The following SLC44A5 variants were observed in gnomAD, a reference collection of about 807,000 sequenced individuals.
SLC44A5 encodes the protein choline transporter-like protein 5.
A neutral mutation model predicts 101.8 loss-of-function variants in SLC44A5; 57 were observed. That is an observed-to-expected ratio of 0.56 (90% CI 0.45 to 0.70). The LOEUF (loss-of-function observed/expected upper bound fraction) is 0.70. SLC44A5 is among the 30% of genes least tolerant of loss of function. The probability of loss-of-function intolerance (pLI) is 0.00; values close to 1 mark genes in which losing one functional copy is unlikely to be tolerated. For synonymous variants in SLC44A5, 281 were observed against 290.9 expected, an observed-to-expected ratio of 0.97 and a Z score of 0.35; for missense variants, 737 against 853.1, an observed-to-expected ratio of 0.86 and a Z score of 1.70.
chr1:75,529,413 C>G (rs1670599544), intron 2 of SLC44A5, among the ~76,000 whole-genome samples: 1 of 152,146 alleles, frequency 6.6e-6, no homozygotes, highest in Non-Finnish European at 1.5e-5. Context: ...GTTCTCTTAG[C>G]ACCCACACAG....
rs550232862 is a variant in SLC44A5, at chr1:75,516,649, CTA to C, written c.13+24784_13+24785del. Among the ~76,000 whole-genome samples, 561 of 152,210 alleles carry C rather than the reference CTA, an allele frequency of 3.7e-3. 5 individuals carry two copies. The highest frequency in any genetic ancestry group is 0.013 in the African/African-American group (537 of 41,532). On this transcript the variant is annotated intron_variant, in intron 2 of 23. Transcript: ENST00000370859. ...ACTGATGGGAGAATGAATCTAAGTTCTATGTTAGATTATGACCAGGGTAGGCA... is the reference window on the plus strand; with the variant it reads ...ACTGATGGGAGAATGAATCTAAGTTCTGTTAGATTATGACCAGGGTAGGCA...
chr1:75,312,260 T>C (rs1168717922), intron 4 of SLC44A5, among the ~76,000 whole-genome samples: 1 of 152,126 alleles, frequency 6.6e-6, no homozygotes, highest in Non-Finnish European at 1.5e-5. Flanking sequence ...TAAACCTCTT[T>C]CCTTCATAAT....
At chr1:75,325,117 C>T (rs929881057) in intron 4 of SLC44A5, among the ~76,000 whole-genome samples, 11 of 152,152 alleles carry the variant, frequency 7.2e-5, no homozygotes, top group Admixed American at 6.5e-4. Context: ...GTGTATAATG[C>T]ATAAAGCACT....
At chr1:75,266,571 A>G (rs1408324644) in intron 6 of SLC44A5, among the ~76,000 whole-genome samples, 1 of 152,206 alleles carries the variant, frequency 6.6e-6, no homozygotes, top group Non-Finnish European at 1.5e-5. Flanking sequence ...TCTGAATTTT[A>G]GTTTTCTAAA....
chr1:75,642,060 C>A, the SLC44A5 span: 1 of 1,329,534 alleles, frequency 7.5e-7, no homozygotes, highest in Non-Finnish European at 1.1e-6. Flanking sequence ...TCTTCTGGTC[C>A]AATGAAGAAT....
intron 2 of SLC44A5, among the ~76,000 whole-genome samples, chr1:75,537,636 T>G (rs955049918): frequency 5.3e-5 from 8 of 152,316 alleles, no homozygotes; most frequent in Non-Finnish European, 8.8e-5. Flanking sequence ...CCACTAGTTA[T>G]CAGCAGGGGG....
intron 3 of SLC44A5, among the ~76,000 whole-genome samples, chr1:75,373,980 G>A (rs1660399644): frequency 6.6e-6 from 1 of 152,174 alleles, no homozygotes; most frequent in Non-Finnish European, 1.5e-5. Context: ...CTCATGTGGT[G>A]GCATGGGAGC....
the SLC44A5 span, among the ~76,000 whole-genome samples, chr1:75,632,469 T>C: frequency 1.5e-4 from 23 of 152,142 alleles, no homozygotes; most frequent in Admixed American, 1.2e-3. Context: ...GAGAGAACTT[T>C]AGAGATGATC....
At chr1:75,251,861 G>A (rs1452867743) in intron 6 of SLC44A5, among the ~76,000 whole-genome samples, 1 of 152,160 alleles carries the variant, frequency 6.6e-6, no homozygotes, top group Non-Finnish European at 1.5e-5. Flanking sequence ...GAGTAACGAA[G>A]CAGGTTGATA....
intron 3 of SLC44A5, among the ~76,000 whole-genome samples, chr1:75,356,458 G>A (rs986959864): frequency 5.9e-5 from 9 of 151,578 alleles, no homozygotes; most frequent in African/African-American, 1.7e-4. Flanking sequence ...CATAGAATAA[G>A]GATATAAAGA....
At chr1:75,659,305 A>T in the SLC44A5 span, among the ~76,000 whole-genome samples, 1 of 150,722 alleles carries the variant, frequency 6.6e-6, no homozygotes, top group Middle Eastern at 3.4e-3. Flanking sequence ...TTTTTTTAAA[A>T]AAGAGAGAGA....
intron 2 of SLC44A5, among the ~76,000 whole-genome samples, chr1:75,464,066 C>T (rs1666668954): frequency 6.6e-6 from 1 of 151,448 alleles, no homozygotes. Flanking sequence ...ACTAAAAGCA[C>T]AAAAAATTAG....
At chr1:75,277,621 G>C (rs528872771) in intron 5 of SLC44A5, among the ~76,000 whole-genome samples, 1 of 152,028 alleles carries the variant, frequency 6.6e-6, no homozygotes, top group South Asian at 2.1e-4. Context: ...TGTAGGAAAA[G>C]AGATGACAGG....
the SLC44A5 span, among the ~76,000 whole-genome samples, chr1:75,698,911 A>T: frequency 6.6e-6 from 1 of 152,210 alleles, no homozygotes; most frequent in Non-Finnish European, 1.5e-5. Context: ...CAGCGATGGA[A>T]GATGAAATGA....
intron 14 of SLC44A5, among the ~76,000 whole-genome samples, chr1:75,220,516 G>T (rs889186212): frequency 6.6e-6 from 1 of 151,720 alleles, no homozygotes; most frequent in African/African-American, 2.4e-5. Context: ...ATGTCTATTT[G>T]CAGTTAAATG....
chr1:75,596,752 A>T (rs1674657403), intron 1 of SLC44A5, among the ~76,000 whole-genome samples: 1 of 152,024 alleles, frequency 6.6e-6, no homozygotes. Flanking sequence ...TTCAACATCC[A>T]CTCATGTTAA....
chr1:75,512,890 A>G (rs1557862777), intron 2 of SLC44A5, among the ~76,000 whole-genome samples: 1 of 152,212 alleles, frequency 6.6e-6, no homozygotes, highest in Non-Finnish European at 1.5e-5. Flanking sequence ...TGTGTTTGCT[A>G]ACCATGCCTA....
At chr1:75,721,694 T>C in the SLC44A5 span, among the ~76,000 whole-genome samples, 8 of 152,178 alleles carry the variant, frequency 5.3e-5, no homozygotes, top group African/African-American at 1.9e-4. Context: ...AATCTAGAGG[T>C]ACAAAATAAA....
intron 6 of SLC44A5, among the ~76,000 whole-genome samples, chr1:75,267,781 G>C (rs1480537118): frequency 6.6e-6 from 1 of 151,888 alleles, no homozygotes; most frequent in African/African-American, 2.4e-5. Context: ...ATGTTGCCCA[G>C]GCCAGTCTTG....
Sources: allele counts gnomAD v4.1 joint callset (sites outside exome capture counted in the v4.1 genomes callset), GRCh38; gene constraint gnomAD v4.1.1; transcripts MANE v1.5; gene names NCBI Gene and HGNC (gene_info 2026-07-23, HGNC 2026-07-21).